TMEM114: variants seen among roughly 807,000 people sequenced by gnomAD.
TMEM114 encodes transmembrane protein 114.
In TMEM114, 6 loss-of-function variants were observed where a neutral mutation model predicts 6.2. That is an observed-to-expected ratio of 0.97 (90% CI 0.53 to 1.91). TMEM114 has a LOEUF of 1.91. Among genes scored for constraint, TMEM114 ranks in the 40% most tolerant of loss-of-function variants. TMEM114 has a pLI of 0.01. For synonymous variants in TMEM114, 104 were observed against 73.0 expected, an observed-to-expected ratio of 1.42 and a Z score of -2.16; for missense variants, 218 against 158.3, an observed-to-expected ratio of 1.38 and a Z score of -2.02.
At chr16:8,561,597 A>G (rs932039051) in intron 2 of TMEM114, among the ~76,000 whole-genome samples, 2 of 152,268 alleles carry the variant, frequency 1.3e-5, no homozygotes, top group Non-Finnish European at 2.9e-5. Flanking sequence ...GAATGAGTCG[A>G]TGAGCATATG....
intron 2 of TMEM114, among the ~76,000 whole-genome samples, chr16:8,588,161 C>G (rs1398089553): frequency 1.3e-5 from 2 of 151,912 alleles, no homozygotes; most frequent in Non-Finnish European, 2.9e-5. Context: ...GAGGCAGGCA[C>G]CTGTAGTTTC....
At chr16:8,542,083 G>A (rs1321606826) in intron 2 of TMEM114, among the ~76,000 whole-genome samples, 1 of 152,158 alleles carries the variant, frequency 6.6e-6, no homozygotes, top group African/African-American at 2.4e-5. Context: ...ATACCATTGT[G>A]CTGGCTGGAG....
At chr16:8,586,964 C>G (rs1355982862) in intron 2 of TMEM114, among the ~76,000 whole-genome samples, 2 of 152,158 alleles carry the variant, frequency 1.3e-5, no homozygotes, top group African/African-American at 4.8e-5. Flanking sequence ...TGGAACTTAA[C>G]TCAGTGGTGT....
At chr16:8,570,357 C>G (rs1370622651) in intron 3 of TMEM114, among the ~76,000 whole-genome samples, 2 of 152,106 alleles carry the variant, frequency 1.3e-5, no homozygotes, top group African/African-American at 4.8e-5. Flanking sequence ...GCTCTGTCGC[C>G]CAGGCTGGAG....
intron 2 of TMEM114, among the ~76,000 whole-genome samples, chr16:8,561,551 CT>C (rs1901200211): frequency 6.6e-6 from 1 of 152,220 alleles, no homozygotes; most frequent in Non-Finnish European, 1.5e-5. Context: ...CAAACAGCAC[CT>C]GGCACATCAG....
chr16:8,569,634 G>C lies in TMEM114; in HGVS notation c.*139C>G. On this transcript the variant is annotated 3_prime_UTR_variant, in exon 4 of 4. Transcript: ENST00000620492. ...AGCCAGGCCCCAAGCTTAGTCCGCG[G>C]GGATTTGTGGGGGAAGGAGGGGGGT... is the stretch of plus-strand genomic sequence containing the variant. 4 of 1,437,908 alleles carry C rather than the reference G, an allele frequency of 2.8e-6. No individual in the cohort carries two copies. Among genetic ancestry groups the C allele is most frequent in the Non-Finnish European group, 2.7e-6 (3 of 1,100,428 alleles). The allele number at this position is 1,437,908 out of a possible 1,614,324, so 89.1% of individuals were successfully genotyped here.
chr16:8,572,684 C>T (rs1429151614), intron 2 of TMEM114, among the ~76,000 whole-genome samples: 1 of 152,216 alleles, frequency 6.6e-6, no homozygotes, highest in African/African-American at 2.4e-5. Context: ...GATCCTCCTG[C>T]CTTGGCCTCC....
At chr16:8,583,456 C>T (rs573003773) in intron 2 of TMEM114, among the ~76,000 whole-genome samples, 1 of 152,290 alleles carries the variant, frequency 6.6e-6, no homozygotes, top group Admixed American at 6.5e-5. Flanking sequence ...TCAGAAGTCA[C>T]ACAGCTGGCC....
chr16:8,589,842 C>T lies in TMEM114; in HGVS notation c.-4G>A, dbSNP rs918594453. 5 of 397,674 alleles carry T rather than the reference C, an allele frequency of 1.3e-5. No homozygotes were observed. Among genetic ancestry groups the T allele is most frequent in the African/African-American group, 1.0e-4 (5 of 48,536 alleles). 24.6% of individuals were successfully genotyped at this position (397,674 alleles called of 1,614,324 possible). A position where few individuals can be genotyped will look rare whatever the true frequency, so the allele number is the denominator to read the frequency against. ...GCCCGCCCAGGTGCACCCGCATCGC[C>T]GAGCCCAGGACCAGCAGCCGCGGGT... On this transcript the variant is annotated 5_prime_UTR_variant, in exon 1 of 4. Coordinates refer to ENST00000620492, the MANE Select transcript of TMEM114 (RefSeq NM_001146336.2).
In TMEM114 at chr16:8,563,305, G is replaced by C. The variant is rs143447430; in HGVS notation, n.213-25479C>G. ...AGGGAATGAGTGAGTGAATAAATGA[G>C]TGAGTGAGGGAGGGAGGGTATGAGT... On this transcript the variant is annotated intron_variant and non_coding_transcript_variant, in intron 2 of 2. Transcript: ENST00000623677. Among the ~76,000 whole-genome samples, 47 of 151,238 alleles carry C rather than the reference G, an allele frequency of 3.1e-4. 1 individual carries two copies. The East Asian group carries it at 6.3e-3, about 20-fold the overall frequency.
chr16:8,564,796 A>T (rs1341486734), downstream of TMEM114, among the ~76,000 whole-genome samples: 1 of 149,094 alleles, frequency 6.7e-6, no homozygotes, highest in African/African-American at 2.5e-5. Flanking sequence ...TGAATTAGTG[A>T]GTAAATGAGT....
chr16:8,553,166 T>A (rs1370140413), intron 2 of TMEM114, among the ~76,000 whole-genome samples: 1 of 152,210 alleles, frequency 6.6e-6, no homozygotes, highest in East Asian at 1.9e-4. Context: ...TTCATTCCTC[T>A]GGTCTGAGAA....
At chr16:8,574,116 G>A (rs62018863) in intron 2 of TMEM114, among the ~76,000 whole-genome samples, 17,708 of 152,186 alleles carry the variant, frequency 0.12, 1,150 homozygotes, top group Middle Eastern at 0.19. Context: ...ACCTCATGGC[G>A]ATGAAGAATA....
At chr16:8,544,046 A>T (rs927347901) in intron 2 of TMEM114, among the ~76,000 whole-genome samples, 2 of 152,214 alleles carry the variant, frequency 1.3e-5, no homozygotes, top group Non-Finnish European at 2.9e-5. Context: ...GATAAATAAT[A>T]ACAACAGCAT....
chr16:8,577,066 C>G (rs1173977177), intron 2 of TMEM114, among the ~76,000 whole-genome samples: 2 of 152,230 alleles, frequency 1.3e-5, no homozygotes, highest in African/African-American at 4.8e-5. Flanking sequence ...GAGCGTGGTT[C>G]TTACTAGCCA....
chr16:8,529,242 C>A, the TMEM114 span, among the ~76,000 whole-genome samples: 1 of 152,158 alleles, frequency 6.6e-6, no homozygotes, highest in Non-Finnish European at 1.5e-5. Flanking sequence ...CCACTCAAGG[C>A]TAGGATTATG....
chr16:8,536,643 T>G (rs1900368463), downstream of TMEM114, among the ~76,000 whole-genome samples: 1 of 152,198 alleles, frequency 6.6e-6, no homozygotes, highest in Non-Finnish European at 1.5e-5. Context: ...ATTCTTTTTC[T>G]TTTTCTTTTT....
intron 3 of TMEM114, among the ~76,000 whole-genome samples, chr16:8,570,482 C>G (rs1304415605): frequency 2.6e-5 from 4 of 152,158 alleles, no homozygotes; most frequent in South Asian, 2.1e-4. Flanking sequence ...CAGATGCCCG[C>G]CACCGCGCCC....
downstream of TMEM114, chr16:8,569,499 G>T (rs1406741545): frequency 2.9e-6 from 4 of 1,362,592 alleles, no homozygotes; most frequent in Admixed American, 3.1e-5. Context: ...AAAGCTCTGT[G>T]TGTGATTAAA....
Sources: allele counts gnomAD v4.1 joint callset (sites outside exome capture counted in the v4.1 genomes callset), GRCh38; gene constraint gnomAD v4.1.1; transcripts MANE v1.5; gene names NCBI Gene and HGNC (gene_info 2026-07-23, HGNC 2026-07-21).